Variants in CALN1 observed in about 807,000 individuals in gnomAD.
CALN1 encodes the protein calneuron 1.
CALN1 carries 17 observed loss-of-function variants against 30.6 expected under a neutral mutation model. The ratio of observed to expected loss-of-function variants is 0.56; its 90% confidence interval spans 0.38 to 0.83. The LOEUF is 0.83. Ranked by LOEUF, CALN1 falls within the 40% of genes least tolerant of loss-of-function variation. CALN1 has a pLI of 0.00. For missense variants in CALN1, 291 were observed against 354.9 expected (o/e 0.82, Z 1.45); for synonymous variants, 156 against 131.4 (o/e 1.19, Z -1.28).
chr7:72,060,010 A>C (rs541594806), intron 4 of CALN1, among the ~76,000 whole-genome samples: 1 of 152,156 alleles, frequency 6.6e-6, no homozygotes, highest in African/African-American at 2.4e-5. Context: ...AGTTTGCTAC[A>C]GTTTTTCCTC....
At chr7:71,805,007 GTCCTCCCATTAAT>G (rs1787524135) in intron 6 of CALN1, among the ~76,000 whole-genome samples, 1 of 152,116 alleles carries the variant, frequency 6.6e-6, no homozygotes, top group Admixed American at 6.6e-5. Flanking sequence ...GCATTTTCAA[GTCCTCCCATTAAT>G]TTCTAATAGA....
intron 3 of CALN1, among the ~76,000 whole-genome samples, chr7:72,229,839 G>A (rs1018402267): frequency 3.3e-5 from 5 of 151,734 alleles, no homozygotes; most frequent in Non-Finnish European, 5.9e-5. Context: ...GCATTTGCAG[G>A]GCTTAAAACC....
At chr7:72,160,496 C>G (rs1788027719) in intron 3 of CALN1, among the ~76,000 whole-genome samples, 1 of 152,012 alleles carries the variant, frequency 6.6e-6, no homozygotes, top group Admixed American at 6.6e-5. Flanking sequence ...CCAGGCTGGT[C>G]TCAAACTCTT....
At chr7:71,972,892 A>G (rs1797918848) in intron 5 of CALN1, among the ~76,000 whole-genome samples, 2 of 152,114 alleles carry the variant, frequency 1.3e-5, no homozygotes, top group Admixed American at 6.5e-5. Context: ...TTTGTTCCCC[A>G]TATTTTGCAG....
intron 3 of CALN1, among the ~76,000 whole-genome samples, chr7:72,203,693 G>A (rs1481197116): frequency 6.6e-6 from 1 of 152,204 alleles, no homozygotes; most frequent in African/African-American, 2.4e-5. Context: ...GCTGGATGCT[G>A]TACGAAAATT....
chr7:72,131,361 T>C (rs892791366), intron 3 of CALN1, among the ~76,000 whole-genome samples: 9 of 152,168 alleles, frequency 5.9e-5, no homozygotes, highest in South Asian at 2.1e-4. Context: ...CATTTGTGAA[T>C]TGACCTCCCC....
chr7:72,012,735 C>T (rs1241373558), intron 5 of CALN1, among the ~76,000 whole-genome samples: 1 of 152,176 alleles, frequency 6.6e-6, no homozygotes, highest in African/African-American at 2.4e-5. Context: ...CAGTGGTCTC[C>T]AGTGAGTTCT....
At chr7:71,927,863 G>C (rs1013264218) in intron 5 of CALN1, among the ~76,000 whole-genome samples, 2 of 152,150 alleles carry the variant, frequency 1.3e-5, no homozygotes, top group Non-Finnish European at 2.9e-5. Flanking sequence ...TGGCCCTTGT[G>C]AACGGGAGAG....
chr7:72,338,521 G>GTGTGTC (rs1802221355), intron 2 of CALN1, among the ~76,000 whole-genome samples: 1 of 64,154 alleles, frequency 1.6e-5, no homozygotes. Flanking sequence ...GTGTGTGTGT[G>GTGTGTC]TGTGTGTCTC....
chr7:72,031,234 G>T (rs1437901341), intron 4 of CALN1, among the ~76,000 whole-genome samples: 1 of 152,162 alleles, frequency 6.6e-6, no homozygotes, highest in South Asian at 2.1e-4. Flanking sequence ...GAGTGCTATG[G>T]CGACCAGGTA....
intron 5 of CALN1, among the ~76,000 whole-genome samples, chr7:71,881,869 T>C (rs1273039474): frequency 1.3e-5 from 2 of 151,734 alleles, no homozygotes; most frequent in Non-Finnish European, 2.9e-5. Context: ...GGCCAGGAGT[T>C]TGAGGTCAGC....
At chr7:72,163,915 T>C (rs1357900157) in intron 3 of CALN1, among the ~76,000 whole-genome samples, 2 of 151,608 alleles carry the variant, frequency 1.3e-5, no homozygotes, top group East Asian at 3.9e-4. Flanking sequence ...ATGATCAGAC[T>C]ACCACAAACA....
At chr7:71,900,635 C>G (rs948964853) in intron 5 of CALN1, among the ~76,000 whole-genome samples, 1 of 152,162 alleles carries the variant, frequency 6.6e-6, no homozygotes, top group African/African-American at 2.4e-5. Flanking sequence ...AACAGGTTAG[C>G]ACAAGGACCC....
At chr7:72,245,879 A>G (rs1236842598) in intron 3 of CALN1, among the ~76,000 whole-genome samples, 1 of 152,164 alleles carries the variant, frequency 6.6e-6, no homozygotes, top group Non-Finnish European at 1.5e-5. Flanking sequence ...ATGTGTTTCC[A>G]TTCCACCAGC....
chr7:71,968,097 G>A (rs988410155), intron 5 of CALN1, among the ~76,000 whole-genome samples: 1 of 151,992 alleles, frequency 6.6e-6, no homozygotes, highest in South Asian at 2.1e-4. Context: ...TATTTATAGC[G>A]ACTCTATTCA....
chr7:72,405,891 G>A lies in CALN1; in HGVS notation c.-73-2449C>T, dbSNP rs540817489. Among the ~76,000 whole-genome samples, 12 of 152,306 alleles carry A rather than the reference G, an allele frequency of 7.9e-5. No individual in the cohort carries two copies. In the East Asian group the frequency reaches 2.1e-3, roughly 27 times the overall value. On this transcript the variant is annotated intron_variant, in intron 1 of 6. Coordinates refer to ENST00000395275, the MANE Select transcript of CALN1 (RefSeq NM_031468.4). ...TCCCTTCTCTTGTCAGGTCCCCCCA[G>A]GCAGTGTGGACATCAGAGCAAGGCA...
intron 2 of CALN1, among the ~76,000 whole-genome samples, chr7:72,342,750 T>C (rs1027499509): frequency 2.0e-5 from 3 of 152,204 alleles, no homozygotes; most frequent in Non-Finnish European, 4.4e-5. Flanking sequence ...CTTATCTTTT[T>C]TATTTTACCA....
At chr7:71,863,999 C>T (rs1411149703) in intron 5 of CALN1, among the ~76,000 whole-genome samples, 1 of 152,184 alleles carries the variant, frequency 6.6e-6, no homozygotes, top group Non-Finnish European at 1.5e-5. Context: ...AGTCAAAGTC[C>T]TATTCCCCTA....
intron 3 of CALN1, among the ~76,000 whole-genome samples, chr7:72,159,256 T>C (rs557346741): frequency 6.6e-6 from 1 of 152,352 alleles, no homozygotes; most frequent in Non-Finnish European, 1.5e-5. Context: ...GCTTCAGTGA[T>C]ATGCTGTGCA....
Sources: gnomAD v4.1 joint callset for allele counts (sites outside exome capture counted in the v4.1 genomes callset) on GRCh38, gnomAD v4.1.1 for gene constraint, MANE v1.5 for transcripts, NCBI Gene and HGNC (gene_info 2026-07-23, HGNC 2026-07-21) for gene names.